The following CDH19 variants were observed in gnomAD, a reference collection of about 807,000 sequenced individuals.
CDH19 encodes the protein cadherin-19.
A neutral mutation model predicts 64.2 loss-of-function variants in CDH19; 67 were observed. The ratio of observed to expected loss-of-function variants is 1.04; its 90% CI spans 0.86 to 1.28. The LOEUF is 1.28. CDH19 is among the 50% of genes most tolerant of loss of function. The pLI is 0.00. For synonymous variants in CDH19, 346 were observed against 319.3 expected, an observed-to-expected ratio of 1.08 and a Z score of -0.89; for missense variants, 1,030 against 929.0, an observed-to-expected ratio of 1.11 and a Z score of -1.41.
At chr18:66,527,239 G>T (rs1285713825) in intron 9 of CDH19, among the ~76,000 whole-genome samples, 1 of 151,656 alleles carries the variant, frequency 6.6e-6, no homozygotes, top group African/African-American at 2.4e-5. Flanking sequence ...ATATCCATGT[G>T]GTTAGTATTG....
Position 66,587,862 on chromosome 18 carries a change from C to A in CDH19, c.-112-15546G>T, listed in dbSNP as rs116420753. ...CTAGCTCCCCGACTAACAAAATCAA[C>A]TGTGTCTCTAATGCCATAATGGTAC... On this transcript the variant is annotated intron_variant, in intron 1 of 11. Transcript: ENST00000262150. 3.6e-3 allele frequency among the ~76,000 whole-genome samples: 553 copies of A among 152,240 alleles called. 4 individuals are homozygous for A. Among genetic ancestry groups the A allele is most frequent in the African/African-American group, 0.013 (538 of 41,550 alleles).
chr18:66,506,467 T>TA (rs1206282178), intron 11 of CDH19, among the ~76,000 whole-genome samples: 1 of 151,800 alleles, frequency 6.6e-6, no homozygotes, highest in Admixed American at 6.6e-5. Flanking sequence ...TACAATAAAA[T>TA]AAAAAAAGAC....
chr18:66,508,400 T>C (rs1985305447), intron 11 of CDH19, among the ~76,000 whole-genome samples: 1 of 85,748 alleles, frequency 1.2e-5, no homozygotes, highest in Non-Finnish European at 2.6e-5. Flanking sequence ...TACTGCGCTG[T>C]TTTTTTTTTT....
intron 9 of CDH19, among the ~76,000 whole-genome samples, chr18:66,519,815 G>A (rs1013310865): frequency 1.3e-5 from 2 of 152,100 alleles, no homozygotes; most frequent in East Asian, 3.8e-4. Flanking sequence ...TTCTCAAAGG[G>A]TAAAAGAGGC....
intron 1 of CDH19, among the ~76,000 whole-genome samples, chr18:66,594,776 A>C (rs187668499): frequency 7.5e-4 from 109 of 145,182 alleles, no homozygotes; most frequent in African/African-American, 2.5e-3. Flanking sequence ...AACACTGCAT[A>C]TTCTCACTCA....
chr18:66,589,241 A>AAT (rs1266664384), intron 1 of CDH19, among the ~76,000 whole-genome samples: 1 of 150,022 alleles, frequency 6.7e-6, no homozygotes, highest in Admixed American at 6.7e-5. Context: ...TACATATTTG[A>AAT]ATATATATAC....
intron 4 of CDH19, 80 bp downstream of exon 4, chr18:66,554,325 T>C (rs1206974340): frequency 3.5e-6 from 5 of 1,426,464 alleles, no homozygotes; most frequent in East Asian, 2.3e-5. Context: ...CTGTAAAACA[T>C]GTTTCTAAGC....
At chr18:66,550,941 A>T (rs1329343078) in intron 5 of CDH19, among the ~76,000 whole-genome samples, 153 bp downstream of exon 5, 1 of 152,158 alleles carries the variant, frequency 6.6e-6, no homozygotes, top group African/African-American at 2.4e-5. Flanking sequence ...ATTTAACATG[A>T]ATTAAAATAA....
At chr18:66,559,722 T>C (rs1272094764) in intron 3 of CDH19, among the ~76,000 whole-genome samples, 3 of 150,852 alleles carry the variant, frequency 2.0e-5, no homozygotes, top group Non-Finnish European at 4.4e-5. Context: ...TCATGAAACC[T>C]ATTTTAGTTA....
At chr18:66,541,918 T>C (rs1986901919) in intron 7 of CDH19, among the ~76,000 whole-genome samples, 1 of 152,142 alleles carries the variant, frequency 6.6e-6, no homozygotes, top group African/African-American at 2.4e-5. Flanking sequence ...TTTTCACATG[T>C]AGTAAGCATG....
At chr18:66,517,592 A>T (rs1246537500) in intron 9 of CDH19, among the ~76,000 whole-genome samples, 1 of 151,966 alleles carries the variant, frequency 6.6e-6, no homozygotes, top group African/African-American at 2.4e-5. Flanking sequence ...AAATGTTTGG[A>T]TTCCTCCAGA....
chr18:66,561,796 C>T lies in CDH19; in HGVS notation c.490+6620G>A, dbSNP rs564170631. The stretch of plus-strand genomic sequence containing the variant: ...TTAATTAGAGTAGCTTATCAGTTCA[C>T]TTATTCTGATAATAAACATACAAAT... On this transcript the variant is annotated intron_variant, in intron 3 of 11. Coordinates refer to ENST00000262150, the MANE Select transcript of CDH19 (RefSeq NM_021153.4). Among the ~76,000 whole-genome samples the T allele has an allele frequency of 2.8e-4, 42 of 152,130 alleles. 1 individual carries two copies. The South Asian group carries it at 6.2e-3, about 23-fold the overall frequency.
intron 11 of CDH19, among the ~76,000 whole-genome samples, chr18:66,506,449 A>C (rs1985201760): frequency 6.6e-6 from 1 of 151,992 alleles, no homozygotes. Context: ...ATTTGTATCA[A>C]TTATAAATAC....
intron 3 of CDH19, among the ~76,000 whole-genome samples, chr18:66,560,033 T>C (rs759853889): frequency 5.3e-5 from 8 of 152,092 alleles, no homozygotes; most frequent in Non-Finnish European, 1.2e-4. Flanking sequence ...TTGTTTCTTT[T>C]GTTTTGTTTT....
chr18:66,566,995 C>T (rs997990478), intron 3 of CDH19, among the ~76,000 whole-genome samples: 15 of 151,724 alleles, frequency 9.9e-5, no homozygotes, highest in African/African-American at 3.6e-4. Flanking sequence ...GTATAATTCA[C>T]CTCAAATATC....
intron 3 of CDH19, among the ~76,000 whole-genome samples, chr18:66,565,701 C>A (rs11875080): frequency 0.34 from 51,516 of 151,732 alleles, 9,580 homozygotes; most frequent in South Asian, 0.48. Flanking sequence ...ACAGTCAACA[C>A]AAATGCAGGA....
chr18:66,600,269 T>C (rs1050408255), intron 1 of CDH19, among the ~76,000 whole-genome samples: 11 of 151,850 alleles, frequency 7.2e-5, no homozygotes, highest in South Asian at 2.1e-4. Context: ...AAAGGGATGA[T>C]GTTTTATATA....
At position 66,503,227 on chromosome 18, in the gene CDH19, A is replaced by G. The variant is rs963984617; in HGVS notation, c.*1585T>C. ...TTCTTAAAAGGTCGATTAAAATTAA[A>G]GTGTTTTATTATCTTGTTATCTAAT... On this transcript the variant is annotated 3_prime_UTR_variant, in exon 12 of 12. Transcript: ENST00000262150. The G allele has an allele frequency of 6.6e-6, 1 of 151,880 alleles. No individual in the cohort carries two copies. Among genetic ancestry groups the G allele is most frequent in the African/African-American group, 2.4e-5 (1 of 41,444 alleles). The allele number at this position is 151,880 out of a possible 1,614,324, so 9.4% of individuals were successfully genotyped here.
At chr18:66,582,299 G>C (rs977368911) in intron 1 of CDH19, among the ~76,000 whole-genome samples, 5 of 151,952 alleles carry the variant, frequency 3.3e-5, no homozygotes, top group African/African-American at 1.2e-4. Context: ...ATAAGTTGAA[G>C]CTGGGAAATG....
Sources: allele counts gnomAD v4.1 joint callset (sites outside exome capture counted in the v4.1 genomes callset), GRCh38; gene constraint gnomAD v4.1.1; transcripts MANE v1.5; gene names NCBI Gene and HGNC (gene_info 2026-07-23, HGNC 2026-07-21).